The following RTL4 variants were observed in gnomAD, a reference collection of about 807,000 sequenced individuals.
RTL4 encodes retrotransposon Gag-like protein 4.
In RTL4, 4 loss-of-function variants were observed where a neutral mutation model predicts 5.3. That is an observed-to-expected ratio of 0.75 (90% CI 0.37 to 1.72). RTL4 has a LOEUF of 1.72. Among genes scored for constraint, RTL4 ranks in the 40% most tolerant of loss-of-function variants. The pLI, the probability that RTL4 is intolerant of heterozygous loss-of-function variation, is 0.04. For missense variants in RTL4, 260 were observed against 227.1 expected, an observed-to-expected ratio of 1.14 and a Z score of -0.93; for synonymous variants, 98 against 87.3, an observed-to-expected ratio of 1.12 and a Z score of -0.68.
the RTL4 span, among the ~76,000 whole-genome samples, chrX:112,273,411 G>A: frequency 1.4e-4 from 15 of 110,369 alleles, no homozygotes; most frequent in Non-Finnish European, 2.5e-4. Context: ...CCACCACCAC[G>A]CCTGGCTAAT....
chrX:112,108,702 C>T, the RTL4 span, among the ~76,000 whole-genome samples: 2 of 111,996 alleles, frequency 1.8e-5, no homozygotes, highest in African/African-American at 6.5e-5. Flanking sequence ...CTGAGGCCAG[C>T]ATAGCTCTGG....
the RTL4 span, among the ~76,000 whole-genome samples, chrX:112,189,436 G>A: frequency 2.7e-5 from 3 of 111,609 alleles, no homozygotes; most frequent in Non-Finnish European, 3.8e-5. Flanking sequence ...ATTGTTGCAA[G>A]CATAAACATT....
the RTL4 span, among the ~76,000 whole-genome samples, chrX:112,418,116 C>A: frequency 9.0e-6 from 1 of 111,453 alleles, no homozygotes; most frequent in Non-Finnish European, 1.9e-5. Context: ...CCATTACAGT[C>A]CAGCCTGGGC....
chrX:112,361,200 A>G, the RTL4 span, among the ~76,000 whole-genome samples: 1 of 111,613 alleles, frequency 9.0e-6, no homozygotes, highest in South Asian at 3.7e-4. Context: ...TATTCCCCAG[A>G]TAAGTTGCTA....
the RTL4 span, among the ~76,000 whole-genome samples, chrX:112,197,916 T>C: frequency 8.9e-6 from 1 of 112,141 alleles, no homozygotes; most frequent in South Asian, 3.7e-4. Context: ...TTAGTTTCTG[T>C]AGACGTCATT....
chrX:112,111,261 TTC>T, the RTL4 span, among the ~76,000 whole-genome samples: 7 of 109,899 alleles, frequency 6.4e-5, no homozygotes, highest in African/African-American at 2.0e-4. Context: ...CTTTGTCTCT[TTC>T]TCTCTTTCTT....
chrX:112,184,055 A>G, the RTL4 span, among the ~76,000 whole-genome samples: 2 of 110,354 alleles, frequency 1.8e-5, no homozygotes, highest in African/African-American at 6.6e-5. Context: ...CTTTGTAGGG[A>G]CATGGATGAA....
At chrX:112,389,423 T>C in the RTL4 span, among the ~76,000 whole-genome samples, 6,524 of 110,549 alleles carry the variant, frequency 0.059, 489 homozygotes, top group African/African-American at 0.2. Context: ...ATATTTGTTA[T>C]TTCTTGTCTT....
At chrX:112,374,246 T>C in the RTL4 span, among the ~76,000 whole-genome samples, 1 of 111,279 alleles carries the variant, frequency 9.0e-6, no homozygotes, top group Admixed American at 9.6e-5. Context: ...GATAACCAAA[T>C]TATCTCACAC....
At chrX:112,171,828 A>G in the RTL4 span, among the ~76,000 whole-genome samples, 1 of 112,402 alleles carries the variant, frequency 8.9e-6, no homozygotes, top group Non-Finnish European at 1.9e-5. Context: ...AAATGCTAAA[A>G]GCAACTGCAA....
the RTL4 span, among the ~76,000 whole-genome samples, chrX:112,359,612 A>G: frequency 1.8e-5 from 2 of 111,383 alleles, no homozygotes; most frequent in Admixed American, 1.9e-4. Context: ...TCTATTCCTA[A>G]TGGGTCTTCC....
At chrX:112,084,596 G>T in the RTL4 span, among the ~76,000 whole-genome samples, 3 of 111,189 alleles carry the variant, frequency 2.7e-5, no homozygotes, top group Non-Finnish European at 5.7e-5. Context: ...CCCAAACAAG[G>T]GAGGTCTATG....
the RTL4 span, among the ~76,000 whole-genome samples, chrX:112,405,081 A>G: frequency 9.0e-6 from 1 of 111,502 alleles, no homozygotes; most frequent in Non-Finnish European, 1.9e-5. Context: ...AGGGTTAGCC[A>G]TGCTGCCTCA....
At chrX:112,455,410 T>G in exon 1 of RTL4, 1 of 1,211,016 alleles carries the variant, frequency 8.3e-7, no homozygotes. Flanking sequence ...GCTCCTACAG[T>G]CAGAGACCCA....
the RTL4 span, among the ~76,000 whole-genome samples, chrX:112,110,712 C>A: frequency 1.8e-5 from 2 of 112,109 alleles, no homozygotes; most frequent in Non-Finnish European, 3.8e-5. Flanking sequence ...TAAGGTTTAG[C>A]TGAGTGCTAA....
At chrX:112,390,771 G>T in the RTL4 span, among the ~76,000 whole-genome samples, 1 of 110,902 alleles carries the variant, frequency 9.0e-6, no homozygotes, top group South Asian at 3.8e-4. Context: ...TTTTGACCTT[G>T]GAAAATCTGC....
chrX:112,196,969 C>G, the RTL4 span, among the ~76,000 whole-genome samples: 1 of 109,869 alleles, frequency 9.1e-6, no homozygotes, highest in Non-Finnish European at 1.9e-5. Context: ...GAGGTGATAT[C>G]TCATTGCAGT....
At chrX:112,195,377 T>C in the RTL4 span, among the ~76,000 whole-genome samples, 1 of 112,160 alleles carries the variant, frequency 8.9e-6, no homozygotes, top group Non-Finnish European at 1.9e-5. Flanking sequence ...AGTCGCATTC[T>C]CTTTCACTTC....
the RTL4 span, among the ~76,000 whole-genome samples, chrX:112,239,089 G>T: frequency 1.8e-5 from 2 of 111,631 alleles, no homozygotes; most frequent in African/African-American, 6.5e-5. Flanking sequence ...GATGGGCAGA[G>T]TGGGAAGCTG....
Sources: gnomAD v4.1 joint callset for allele counts (sites outside exome capture counted in the v4.1 genomes callset) on GRCh38, gnomAD v4.1.1 for gene constraint, MANE v1.5 for transcripts, NCBI Gene and HGNC (gene_info 2026-07-23, HGNC 2026-07-21) for gene names.